DNAH2: variants seen among roughly 807,000 people sequenced by gnomAD.
DNAH2 encodes dynein axonemal heavy chain 2.
In DNAH2, 323 loss-of-function variants were observed where a neutral mutation model predicts 523.5. The observed-to-expected ratio is 0.62, with a 90% CI of 0.56 to 0.68. The LOEUF (loss-of-function observed/expected upper bound fraction) is 0.68. Ranked by LOEUF, DNAH2 falls within the 30% of genes least tolerant of loss-of-function variation. The probability of loss-of-function intolerance (pLI) is 0.00; values close to 1 mark genes in which losing one functional copy is unlikely to be tolerated. For missense variants in DNAH2, 4,907 were observed against 5,701.5 expected, an observed-to-expected ratio of 0.86 and a Z score of 4.49; for synonymous variants, 2,093 against 2,177.4, an observed-to-expected ratio of 0.96 and a Z score of 1.08.
Position 7,757,097 on chromosome 17 carries a change from T to A in DNAH2, c.1911T>A (p.Leu637=). The stretch of plus-strand genomic sequence containing the variant: ...TGGCTGCTCTCTCTCAAAGGTCCCT[T>A]CTGATTCTCTTTGCGGAAATTGACT... ...GMLDVNFDKS[L]LILFAEIDYW... Residue 637 remains leucine, a synonymous_variant, in exon 13 of 86, where the codon CTT becomes CTA. Transcript: ENST00000572933. 6.2e-7 allele frequency: 1 copy of A among 1,614,174 alleles called. No individual in the cohort carries two copies. The highest frequency in any genetic ancestry group is 1.3e-5 in the African/African-American group (1 of 75,056).
intron 11 of DNAH2, among the ~76,000 whole-genome samples, chr17:7,741,834 T>C (rs2075363216): frequency 6.6e-6 from 1 of 151,644 alleles, no homozygotes; most frequent in South Asian, 2.1e-4. Flanking sequence ...CGGCTAATTT[T>C]GTATTTTTAG....
chr17:7,770,444 G>C, intron 25 of DNAH2, 36 bp downstream of exon 25: 1 of 1,611,884 alleles, frequency 6.2e-7, no homozygotes, highest in South Asian at 1.1e-5. Context: ...CACACCTCCT[G>C]CGCCTCCTGG....
At chr17:7,739,225 G>T (rs561704795) in intron 8 of DNAH2, among the ~76,000 whole-genome samples, 25 of 152,246 alleles carry the variant, frequency 1.6e-4, no homozygotes, top group South Asian at 2.1e-4. Context: ...GGCCAACATG[G>T]TGAAACCCCG....
At chr17:7,744,100 C>T (rs2075442157) in intron 12 of DNAH2, among the ~76,000 whole-genome samples, 1 of 152,020 alleles carries the variant, frequency 6.6e-6, no homozygotes, top group Non-Finnish European at 1.5e-5. Flanking sequence ...CATGCTTGAG[C>T]CTGGCCAGCA....
chr17:7,774,669 A>T, intron 28 of DNAH2, 90 bp from the exon 29 acceptor site: 2 of 1,168,746 alleles, frequency 1.7e-6, no homozygotes, highest in Non-Finnish European at 2.5e-6. Context: ...CCACTGTTCA[A>T]GAGCTGGCAA....
chr17:7,795,243 T>A (rs1478301471), intron 49 of DNAH2, among the ~76,000 whole-genome samples: 1 of 152,086 alleles, frequency 6.6e-6, no homozygotes, highest in African/African-American at 2.4e-5. Context: ...TTTGAATAAA[T>A]ACAAAATCAG....
At chr17:7,817,155 GAC>G in intron 64 of DNAH2, 133 bp from the exon 65 acceptor site, 2 of 1,240,622 alleles carry the variant, frequency 1.6e-6, no homozygotes, top group Non-Finnish European at 1.1e-6. Context: ...GAGTTGTCAG[GAC>G]ACACAGGTTT....
At chr17:7,783,965 A>G (rs1215803698) in intron 39 of DNAH2, among the ~76,000 whole-genome samples, 2 of 152,120 alleles carry the variant, frequency 1.3e-5, no homozygotes, top group African/African-American at 4.8e-5. Flanking sequence ...CTTAATGACA[A>G]AGGGCTGAAA....
intron 49 of DNAH2, among the ~76,000 whole-genome samples, chr17:7,795,061 T>C (rs897343443): frequency 6.6e-6 from 1 of 152,054 alleles, no homozygotes; most frequent in Non-Finnish European, 1.5e-5. Context: ...GACATTTTAT[T>C]GATCCTATGG....
At position 7,797,665 on chromosome 17, in the gene DNAH2, C is replaced by A. The variant is rs1268935099; in HGVS notation, c.8081-15C>A. Reference sequence around the variant, plus strand: ...CAGGCATTTGTGACTCTGATCCCCTCTTCCCATGGCTCAGGGGATTTCCTG... The same window carrying A: ...CAGGCATTTGTGACTCTGATCCCCTATTCCCATGGCTCAGGGGATTTCCTG... On this transcript the variant is annotated splice_polypyrimidine_tract_variant and intron_variant, in intron 52 of 85. Coordinates refer to ENST00000572933, the MANE Select transcript of DNAH2 (RefSeq NM_020877.5). The A allele has an allele frequency of 6.2e-7, 1 of 1,613,992 alleles. No homozygotes were observed. Among genetic ancestry groups the A allele is most frequent in the African/African-American group, 1.3e-5 (1 of 74,896 alleles).
intron 12 of DNAH2, among the ~76,000 whole-genome samples, chr17:7,749,747 A>T (rs565838358): frequency 7.2e-5 from 11 of 152,234 alleles, no homozygotes; most frequent in South Asian, 4.1e-4. Context: ...CTCTAATCCC[A>T]GCACTTCAGG....
intron 63 of DNAH2, among the ~76,000 whole-genome samples, chr17:7,809,964 C>T (rs886647877): frequency 2.6e-5 from 4 of 151,898 alleles, no homozygotes; most frequent in African/African-American, 4.8e-5. Context: ...GTTGGGATTA[C>T]AGGTGTGAGC....
intron 72 of DNAH2, among the ~76,000 whole-genome samples, chr17:7,819,668 A>G (rs1160476156): frequency 6.6e-6 from 1 of 152,162 alleles, no homozygotes; most frequent in African/African-American, 2.4e-5. Context: ...CCCAGATGTT[A>G]ACGGGCAGGA....
At position 7,833,053 on chromosome 17, in the gene DNAH2, G is replaced by C; in HGVS notation, c.12979-18G>C. 1 of 1,613,266 alleles carries C rather than the reference G, an allele frequency of 6.2e-7. No individual in the cohort carries two copies. The highest frequency in any genetic ancestry group is 8.5e-7 in the Non-Finnish European group (1 of 1,180,000). ...TTGAAGTCTAGCTTCTCCCAGACCT[G>C]CTCCCATTTCTCCCCAGGATGGTGT... On this transcript the variant is annotated intron_variant, in intron 84 of 85. Transcript: ENST00000572933.
intron 12 of DNAH2, among the ~76,000 whole-genome samples, chr17:7,748,961 C>A (rs1210028780): frequency 6.6e-6 from 1 of 151,974 alleles, no homozygotes; most frequent in Non-Finnish European, 1.5e-5. Context: ...TGTCTGAATT[C>A]ATCCTGTTGA....
At chr17:7,741,290 C>CTT (rs1438305225) in intron 11 of DNAH2, among the ~76,000 whole-genome samples, 1 of 53,572 alleles carries the variant, frequency 1.9e-5, no homozygotes, top group African/African-American at 1.0e-4. Context: ...TTCTTTCTTT[C>CTT]TTTCTTCCTT....
Position 7,767,969 on chromosome 17 carries a change from A to G in DNAH2, c.3745A>G (p.Thr1249Ala). The change falls in exon 23 of 86, where the codon ACT (threonine) becomes GCT (alanine). Residue 1249 changes from threonine to alanine, a missense_variant. Physicochemically the swap from Thr to Ala is moderately conservative, Grantham distance 58. This residue lies in a region of DNAH2 where 2,806 missense variants were observed against 3,190.8 expected (regional missense o/e 0.88). Coordinates refer to ENST00000572933, the MANE Select transcript of DNAH2 (RefSeq NM_020877.5). ...GGAGGAGAACTGGAATGAGTGGAAG[A>G]CTGGCCGGTTCCTGATCCTGCAGAC... ...DWEENWNEWKTGRFLILQTET... is the reference protein window; with the variant it reads ...DWEENWNEWKAGRFLILQTET... 1.2e-6 allele frequency: 2 copies of G among 1,614,156 alleles called. No homozygotes were observed. The highest frequency in any genetic ancestry group is 8.5e-7 in the Non-Finnish European group (1 of 1,180,036).
Position 7,760,915 on chromosome 17 carries a change from T to G in DNAH2, c.2961T>G (p.Phe987Leu), listed in dbSNP as rs539016856. ...YQRLNPPVSS[F>L]VADIARYTEV... Reference sequence around the variant, plus strand: ...GCCTCAACCCTCCTGTCTCTTCTTTTGTTGCCGACATTGCCCGGTGAGTGG... The same window carrying G: ...GCCTCAACCCTCCTGTCTCTTCTTTGGTTGCCGACATTGCCCGGTGAGTGG... Residue 987 changes from phenylalanine (F) to leucine (L), a missense_variant, in exon 18 of 86, where the codon TTT becomes TTG. Phe to Leu is a conservative substitution (Grantham distance 22). Transcript: ENST00000572933. The surrounding 1 kb of genome is among the most constrained non-coding windows in gnomAD (Gnocchi z 4.0). 25 of 1,614,130 alleles carry G rather than the reference T, an allele frequency of 1.5e-5. No individual in the cohort carries two copies. In the South Asian group the frequency reaches 2.6e-4, roughly 17 times the overall value.
intron 7 of DNAH2, among the ~76,000 whole-genome samples, chr17:7,736,418 G>A (rs1210266644): frequency 3.3e-5 from 5 of 152,204 alleles, no homozygotes; most frequent in African/African-American, 1.2e-4. Context: ...AGTGATATGC[G>A]GCCAGTTGAT....
Sources: gnomAD v4.1 joint callset for allele counts (sites outside exome capture counted in the v4.1 genomes callset) on GRCh38, gnomAD v4.1.1 for gene constraint, gnomAD v4.1.1 regional missense constraint, Gnocchi (gnomAD v3.1) non-coding constraint, MANE v1.5 for transcripts, NCBI Gene and HGNC (gene_info 2026-07-23, HGNC 2026-07-21) for gene names.